IRGQ: variants seen among roughly 807,000 people sequenced by gnomAD.
IRGQ encodes the protein immunity related GTPase Q, also known as immunity-related GTPase family Q protein.
A neutral mutation model predicts 10.5 loss-of-function variants in IRGQ; 5 were observed. That is an observed-to-expected ratio of 0.48 (90% confidence interval 0.25 to 1.00). IRGQ has a LOEUF of 1.00. Among genes scored for constraint, IRGQ ranks in the 50% least tolerant of loss-of-function variants. IRGQ has a pLI of 0.16. For synonymous variants in IRGQ, 418 were observed against 426.0 expected, an observed-to-expected ratio of 0.98 and a Z score of 0.23; for missense variants, 792 against 877.7, an observed-to-expected ratio of 0.90 and a Z score of 1.23.
chr19:43,595,400 A>G (rs1014295538), intron 1 of IRGQ, 60 bp from the exon 2 acceptor site: 108 of 1,468,592 alleles, frequency 7.4e-5, no homozygotes, highest in Non-Finnish European at 8.4e-5. Context: ...TTCCTTTCCT[A>G]GCCGCCCCAC....
chr19:43,588,053 T>C lies in IRGQ; in HGVS notation c.*3973A>G, dbSNP rs1973014232. On this transcript the variant is annotated 3_prime_UTR_variant, in exon 3 of 3. Transcript: ENST00000422989. ...AGAAAACTTGGCTTACTCAGCACTT[T>C]GGGAGGCTGAGGTGGGCAGATAACT... 6.6e-6 allele frequency: 1 copy of C among 152,240 alleles called. No individual in the cohort carries two copies. The highest frequency in any genetic ancestry group is 1.5e-5 in the Non-Finnish European group (1 of 68,050). The allele number at this position is 152,240 out of a possible 1,614,324, so 9.4% of individuals were successfully genotyped here. A position where few individuals can be genotyped will look rare whatever the true frequency, so the allele number is the denominator to read the frequency against.
chr19:43,594,792 A>G lies in IRGQ; in HGVS notation c.530+17T>C. 6.3e-7 allele frequency: 1 copy of G among 1,582,782 alleles called. No individual in the cohort carries two copies. Among genetic ancestry groups the G allele is most frequent in the Non-Finnish European group, 8.6e-7 (1 of 1,163,712 alleles). On this transcript the variant is annotated intron_variant, in intron 2 of 2. Coordinates refer to ENST00000422989, the MANE Select transcript of IRGQ (RefSeq NM_001007561.3). ...AGGGTCTCGACTAACGGACCCAGCC[A>G]GAAAGCCGGCACTCACCTCCGCAGC...
chr19:43,587,427 T>C lies in IRGQ; in HGVS notation c.*4599A>G, dbSNP rs1973006272. On this transcript the variant is annotated 3_prime_UTR_variant, in exon 3 of 3. Transcript: ENST00000422989. ...ACACCCATCTCAGTTTTTGGAAAAC[T>C]ATTATATAATTGGAACAACTTGGAT... 6.6e-6 allele frequency: 1 copy of C among 152,184 alleles called. No homozygotes were observed. The highest frequency in any genetic ancestry group is 1.5e-5 in the Non-Finnish European group (1 of 68,032). 9.4% of individuals were successfully genotyped at this position (152,184 alleles called of 1,614,324 possible).
Position 43,595,352 on chromosome 19 carries a change from C to A in IRGQ, c.-2-12G>T, listed in dbSNP as rs1207855756. The A allele has an allele frequency of 2.0e-6, 3 of 1,526,644 alleles. No homozygotes were observed. The highest frequency in any genetic ancestry group is 1.4e-5 in the African/African-American group (1 of 72,424). 94.6% of individuals were successfully genotyped at this position (1,526,644 alleles called of 1,614,324 possible). Reference sequence around the variant, plus strand: ...CGGCGGAGGCATGGCTGGAAAGCAACGGGTAGAGAAGACCTGGGTCAGGGA... The same window carrying A: ...CGGCGGAGGCATGGCTGGAAAGCAAAGGGTAGAGAAGACCTGGGTCAGGGA... On this transcript the variant is annotated splice_polypyrimidine_tract_variant and intron_variant, in intron 1 of 2. Transcript: ENST00000422989.
In IRGQ at chr19:43,591,862, A is replaced by AG; in HGVS notation, c.*163_*164insC. ...TTCGTCTCACAAAAAAAAGAAAAAA[A>AG]AAAAAAAAAATCAGGATTCCTGTCC... On this transcript the variant is annotated 3_prime_UTR_variant, in exon 3 of 3. Transcript: ENST00000422989. The AG allele has an allele frequency of 1.4e-6, 1 of 697,472 alleles. No individual in the cohort carries two copies. Among genetic ancestry groups the AG allele is most frequent in the Non-Finnish European group, 2.2e-6 (1 of 456,792 alleles). 43.2% of individuals were successfully genotyped at this position (697,472 alleles called of 1,614,324 possible). A position where few individuals can be genotyped will look rare whatever the true frequency, so the allele number is the denominator to read the frequency against.
chr19:43,587,908 A>C lies in IRGQ; in HGVS notation c.*4118T>G, dbSNP rs1354721709. 6.6e-6 allele frequency: 1 copy of C among 151,946 alleles called. No homozygotes were observed. Among genetic ancestry groups the C allele is most frequent in the East Asian group, 1.9e-4 (1 of 5,200 alleles). The allele number at this position is 151,946 out of a possible 1,614,324, so 9.4% of individuals were successfully genotyped here. ...GCAACAAAGCGAAGCACTATCTCAA[A>C]AAAAAAAAAAACTAAAAAACCGATG... On this transcript the variant is annotated 3_prime_UTR_variant, in exon 3 of 3. Coordinates refer to ENST00000422989, the MANE Select transcript of IRGQ (RefSeq NM_001007561.3).
rs987529384 is a variant in IRGQ, at chr19:43,589,158, G to A, written c.*2868C>T. On this transcript the variant is annotated 3_prime_UTR_variant, in exon 3 of 3. Transcript: ENST00000422989. ...GTCCAAGTAACACACAGTGACAGTG[G>A]CAAAGTCGTGCTTGCTTCCCAGGTC... is the stretch of plus-strand genomic sequence containing the variant. 1 of 152,214 alleles carries A rather than the reference G, an allele frequency of 6.6e-6. No homozygotes were observed. Among genetic ancestry groups the A allele is most frequent in the Non-Finnish European group, 1.5e-5 (1 of 68,032 alleles). 9.4% of individuals were successfully genotyped at this position (152,214 alleles called of 1,614,324 possible).
rs551183910 is a variant in IRGQ at position 43,588,381 on chromosome 19, C to G, written c.*3645G>C. The G allele has an allele frequency of 1.4e-5, 2 of 146,948 alleles. No individual in the cohort carries two copies. Among genetic ancestry groups the G allele is most frequent in the African/African-American group, 2.5e-5 (1 of 39,568 alleles). The allele number at this position is 146,948 out of a possible 1,614,324, so 9.1% of individuals were successfully genotyped here. ...CACAACTGCACTCCAGCCTGGGTGA[C>G]AGAGCAAGACTCCGTCTCCCAAAAA... On this transcript the variant is annotated 3_prime_UTR_variant, in exon 3 of 3. Transcript: ENST00000422989.
At position 43,593,368 on chromosome 19, in the gene IRGQ, C is replaced by T. The variant is rs1211138650; in HGVS notation, c.531-1G>A. The T allele has an allele frequency of 6.6e-7, 1 of 1,509,030 alleles. No homozygotes were observed. Among genetic ancestry groups the T allele is most frequent in the Non-Finnish European group, 8.9e-7 (1 of 1,127,212 alleles). The allele number at this position is 1,509,030 out of a possible 1,614,324, so 93.5% of individuals were successfully genotyped here. On this transcript the variant is annotated splice_acceptor_variant, in intron 2 of 2. Transcript: ENST00000422989. LOFTEE classifies it high-confidence loss of function. The surrounding 1 kb of genome is among the most constrained non-coding windows in gnomAD (Gnocchi z 6.4). ...GCCATCCTGCGCCGGTGGCAGGAGC[C>T]TGTGGGGACAAGAAGGGACAGGGTC...
rs955727359 is a variant in IRGQ, at chr19:43,590,855, T to G, written c.*1171A>C. On this transcript the variant is annotated 3_prime_UTR_variant, in exon 3 of 3. Transcript: ENST00000422989. ...TTCCCAGTCACACTCACAGAGGCAG[T>G]TGCCGGGATCCCAATACAAGGTTTG... is the stretch of plus-strand genomic sequence containing the variant. 2 of 152,236 alleles carry G rather than the reference T, an allele frequency of 1.3e-5. No individual in the cohort carries two copies. The highest frequency in any genetic ancestry group is 4.8e-5 in the African/African-American group (2 of 41,436). The allele number at this position is 152,236 out of a possible 1,614,324, so 9.4% of individuals were successfully genotyped here.
In IRGQ at chr19:43,593,037, G is replaced by A. The variant is rs775265371; in HGVS notation, c.861C>T (p.Thr287=). The A allele has an allele frequency of 1.2e-6, 2 of 1,605,896 alleles. No homozygotes were observed. Among genetic ancestry groups the A allele is most frequent in the Non-Finnish European group, 1.7e-6 (2 of 1,175,786 alleles). ...VPLGHTGTAT[T]AAAASHPTHY... ...GCGTTGGGTGAGAGGCGGCGGCCGC[G>A]GTGGTGGCAGTGCCCGTGTGGCCCA... Residue 287 remains threonine, a synonymous_variant, in exon 3 of 3, where the codon ACC becomes ACT. Transcript: ENST00000422989. This position sits in a 1 kb window ranked among gnomAD's most constrained non-coding sequence, Gnocchi z 6.4.
chr19:43,589,118 G>A lies in IRGQ; in HGVS notation c.*2908C>T, dbSNP rs1973027271. 6.6e-6 allele frequency: 1 copy of A among 152,130 alleles called. No individual in the cohort carries two copies. The highest frequency in any genetic ancestry group is 6.6e-5 in the Admixed American group (1 of 15,262). The allele number at this position is 152,130 out of a possible 1,614,324, so 9.4% of individuals were successfully genotyped here. On this transcript the variant is annotated 3_prime_UTR_variant, in exon 3 of 3. Transcript: ENST00000422989. ...ATCCAGCTCTTTTATTTCACAGATG[G>A]GAAAATAAGGCACTGTCCAAGTAAC...
At position 43,587,076 on chromosome 19, in the gene IRGQ, T is replaced by C. The variant is rs1196418107; in HGVS notation, c.*4950A>G. The C allele has an allele frequency of 2.6e-5, 4 of 152,244 alleles. No homozygotes were observed. Among genetic ancestry groups the C allele is most frequent in the Admixed American group, 1.3e-4 (2 of 15,294 alleles). 9.4% of individuals were successfully genotyped at this position (152,244 alleles called of 1,614,324 possible). A position where few individuals can be genotyped will look rare whatever the true frequency, so the allele number is the denominator to read the frequency against. ...CAGGTGTGGTGGCCCATGCCTGTAATACCAGCACTTTGGGAGGCCGAGGTG... is the reference window on the plus strand; with the variant it reads ...CAGGTGTGGTGGCCCATGCCTGTAACACCAGCACTTTGGGAGGCCGAGGTG... On this transcript the variant is annotated 3_prime_UTR_variant, in exon 3 of 3. Transcript: ENST00000422989.
At position 43,591,719 on chromosome 19, in the gene IRGQ, G is replaced by A. The variant is rs543534450; in HGVS notation, c.*307C>T. ...AAAAATTAGCCAGGTGTGGTGGCAG[G>A]CACCTGTAATCCCAGCTACTCCGGA... is the stretch of plus-strand genomic sequence containing the variant. On this transcript the variant is annotated 3_prime_UTR_variant, in exon 3 of 3. Coordinates refer to ENST00000422989, the MANE Select transcript of IRGQ (RefSeq NM_001007561.3). 3 of 252,206 alleles carry A rather than the reference G, an allele frequency of 1.2e-5. No individual in the cohort carries two copies. The highest frequency in any genetic ancestry group is 2.2e-5 in the Non-Finnish European group (3 of 133,496). The allele number at this position is 252,206 out of a possible 1,614,324, so 15.6% of individuals were successfully genotyped here. A position where few individuals can be genotyped will look rare whatever the true frequency, so the allele number is the denominator to read the frequency against.
chr19:43,594,532 G>A (rs1187491402), intron 2 of IRGQ, among the ~76,000 whole-genome samples: 4 of 151,570 alleles, frequency 2.6e-5, no homozygotes, highest in Non-Finnish European at 1.5e-5. Flanking sequence ...GACAGAGTGA[G>A]AACCTGTCTC....
At position 43,596,109 on chromosome 19, in the gene IRGQ, G is replaced by C. The variant is rs1216152095; in HGVS notation, c.-130C>G. ...CAGGGAGCGGTGATTTAGAGATGCC[G>C]GGACCCGTCCCGGTAGCTTTAACCT... On this transcript the variant is annotated 5_prime_UTR_variant, in exon 1 of 3. Transcript: ENST00000422989. The C allele has an allele frequency of 2.6e-5, 4 of 152,198 alleles. No individual in the cohort carries two copies. Among genetic ancestry groups the C allele is most frequent in the African/African-American group, 9.6e-5 (4 of 41,452 alleles). 9.4% of individuals were successfully genotyped at this position (152,198 alleles called of 1,614,324 possible). A position where few individuals can be genotyped will look rare whatever the true frequency, so the allele number is the denominator to read the frequency against.
chr19:43,592,267 C>T lies in IRGQ; in HGVS notation c.1631G>A (p.Arg544His), dbSNP rs1416666955. 5.1e-6 allele frequency: 8 copies of T among 1,574,952 alleles called. No individual in the cohort carries two copies. The highest frequency in any genetic ancestry group is 4.5e-5 in the South Asian group (4 of 88,564). Residue 544 changes from arginine to histidine, a missense_variant, in exon 3 of 3, where the codon CGC becomes CAC. Coordinates refer to ENST00000422989, the MANE Select transcript of IRGQ (RefSeq NM_001007561.3). Reference protein sequence around the residue: ...LGLASGELAARAHFPGPVTRA... With the variant: ...LGLASGELAAHAHFPGPVTRA... ...CGTCACCGGGCCTGGGAAATGAGCGCGCGCTGCCAGCTCTCCAGAAGCCAG... is the reference window on the plus strand; with the variant it reads ...CGTCACCGGGCCTGGGAAATGAGCGTGCGCTGCCAGCTCTCCAGAAGCCAG...
Position 43,587,626 on chromosome 19 carries a change from C to T in IRGQ, c.*4400G>A, listed in dbSNP as rs545403277. On this transcript the variant is annotated 3_prime_UTR_variant, in exon 3 of 3. Transcript: ENST00000422989. ...ATTCATTTAAATAATACCGATGACG[C>T]CAGGCACGGTGCCTCACGCCTGTAA... is the stretch of plus-strand genomic sequence containing the variant. 2 of 152,268 alleles carry T rather than the reference C, an allele frequency of 1.3e-5. No homozygotes were observed. The highest frequency in any genetic ancestry group is 4.8e-5 in the African/African-American group (2 of 41,540). The allele number at this position is 152,268 out of a possible 1,614,324, so 9.4% of individuals were successfully genotyped here.
In IRGQ at chr19:43,587,807, G is replaced by GAGGC. The variant is rs545917003; in HGVS notation, c.*4215_*4218dup. ...TGTAATCCCAGCTACTCGGGAGGCTGAGGCAGGAGAATCACTTGAACCTGG... is the reference window on the plus strand; with the variant it reads ...TGTAATCCCAGCTACTCGGGAGGCTGAGGCAGGCAGGAGAATCACTTGAACCTGG... On this transcript the variant is annotated 3_prime_UTR_variant, in exon 3 of 3. Coordinates refer to ENST00000422989, the MANE Select transcript of IRGQ (RefSeq NM_001007561.3). 139 of 151,966 alleles carry GAGGC rather than the reference G, an allele frequency of 9.1e-4. No homozygotes were observed. Among genetic ancestry groups the GAGGC allele is most frequent in the African/African-American group, 3.0e-3 (126 of 41,444 alleles). 9.4% of individuals were successfully genotyped at this position (151,966 alleles called of 1,614,324 possible).
Sources: gnomAD v4.1 joint callset for allele counts (sites outside exome capture counted in the v4.1 genomes callset) on GRCh38, gnomAD v4.1.1 for gene constraint, Gnocchi (gnomAD v3.1) non-coding constraint, MANE v1.5 for transcripts, NCBI Gene and HGNC (gene_info 2026-07-23, HGNC 2026-07-21) for gene names.